Variants in CCAR1 observed in about 807,000 individuals in gnomAD.
CCAR1 encodes the protein cell division cycle and apoptosis regulator protein 1.
CCAR1 carries 78 observed loss-of-function variants against 163.8 expected under a neutral mutation model. That is an observed-to-expected ratio of 0.48 (90% CI 0.40 to 0.57). The LOEUF (loss-of-function observed/expected upper bound fraction) is 0.57, where lower values mean the gene tolerates loss of function less well. Ranked by LOEUF, CCAR1 falls within the 20% of genes least tolerant of loss-of-function variation. The probability of loss-of-function intolerance (pLI) is 0.00; values close to 1 mark genes in which losing one functional copy is unlikely to be tolerated. For missense variants in CCAR1, 1,019 were observed against 1,365.2 expected (o/e 0.75, Z 4.00); for synonymous variants, 443 against 460.7 (o/e 0.96, Z 0.49).
At chr10:68,740,500 G>A (rs765552492) in intron 4 of CCAR1, 129 bp from the exon 5 acceptor site, 15 of 761,438 alleles carry the variant, frequency 2.0e-5, no homozygotes, top group Admixed American at 7.5e-5. Flanking sequence ...GTGAGACCTC[G>A]TTTCTGTTTA....
At chr10:68,754,386 G>A (rs1004041873) in intron 11 of CCAR1, among the ~76,000 whole-genome samples, 2 of 152,192 alleles carry the variant, frequency 1.3e-5, no homozygotes, top group Admixed American at 1.3e-4. Flanking sequence ...AATGTTAGAT[G>A]AATGCACTAA....
chr10:68,762,612 C>T (rs543127436), intron 16 of CCAR1, among the ~76,000 whole-genome samples: 1 of 152,098 alleles, frequency 6.6e-6, no homozygotes, highest in Non-Finnish European at 1.5e-5. Context: ...TTGGATAAGC[C>T]ACATAATCAG....
At position 68,786,231 on chromosome 10, in the gene CCAR1, T is replaced by C. The variant is rs919654319; in HGVS notation, c.2733+13T>C. 7.3e-6 allele frequency: 11 copies of C among 1,516,498 alleles called. No individual in the cohort carries two copies. The highest frequency in any genetic ancestry group is 1.0e-5 in the Non-Finnish European group (11 of 1,096,006). The allele number at this position is 1,516,498 out of a possible 1,614,324, so 93.9% of individuals were successfully genotyped here. A position where few individuals can be genotyped will look rare whatever the true frequency, so the allele number is the denominator to read the frequency against. ...CTCTAAAGATAAGGTGTTTATTGAA[T>C]ACTGTATTCTTTATAATATGGTGAT... On this transcript the variant is annotated intron_variant, in intron 20 of 24. Coordinates refer to ENST00000265872, the MANE Select transcript of CCAR1 (RefSeq NM_018237.4).
chr10:68,725,417 A>G (rs2055928954), intron 2 of CCAR1, among the ~76,000 whole-genome samples: 1 of 152,068 alleles, frequency 6.6e-6, no homozygotes, highest in Non-Finnish European at 1.5e-5. Flanking sequence ...AAATAAAAAT[A>G]AAGTCAACAA....
chr10:68,760,106 ACAGGCACGAGC>A (rs573088301), intron 15 of CCAR1, among the ~76,000 whole-genome samples: 138 of 152,296 alleles, frequency 9.1e-4, no homozygotes, highest in Non-Finnish European at 1.0e-3. Flanking sequence ...TGCTAGGATT[ACAGGCACGAGC>A]CACCATTCCC....
Position 68,744,264 on chromosome 10 carries a change from G to C in CCAR1, c.518+1695G>C, listed in dbSNP as rs1051427667. On this transcript the variant is annotated intron_variant, in intron 6 of 24. Coordinates refer to ENST00000265872, the MANE Select transcript of CCAR1 (RefSeq NM_018237.4). ...TCTGGGTAAACATAACTGTGAGTGGGGTGTTGAAATCTAATTTTGAAATCT... is the reference window on the plus strand; with the variant it reads ...TCTGGGTAAACATAACTGTGAGTGGCGTGTTGAAATCTAATTTTGAAATCT... 3.9e-5 allele frequency among the ~76,000 whole-genome samples: 6 copies of C among 152,148 alleles called. No homozygotes were observed. In the East Asian group the frequency reaches 7.7e-4, roughly 20 times the overall value.
At chr10:68,741,906 C>T (rs977300502) in intron 5 of CCAR1, among the ~76,000 whole-genome samples, 3 of 152,138 alleles carry the variant, frequency 2.0e-5, no homozygotes, top group Admixed American at 2.0e-4. Flanking sequence ...TAAAGAACTA[C>T]AGTTGGTTAA....
chr10:68,777,087 C>G (rs564095179), intron 19 of CCAR1, among the ~76,000 whole-genome samples: 1 of 152,210 alleles, frequency 6.6e-6, no homozygotes, highest in Admixed American at 6.5e-5. Flanking sequence ...TCCTTGATTC[C>G]TTTCTTTCTG....
At chr10:68,772,955 GTAAA>G (rs1245057586) in intron 18 of CCAR1, 29 bp from the exon 19 acceptor site, 3 of 1,147,080 alleles carry the variant, frequency 2.6e-6, no homozygotes, top group African/African-American at 1.6e-5. Context: ...CTAAAAATAA[GTAAA>G]TAAATAATAA....
chr10:68,762,985 T>C (rs1444413479), intron 16 of CCAR1, among the ~76,000 whole-genome samples: 1 of 152,158 alleles, frequency 6.6e-6, no homozygotes, highest in Admixed American at 6.5e-5. Context: ...TGGAGAAATT[T>C]TATTATGGAT....
chr10:68,756,378 G>A lies in CCAR1; in HGVS notation c.1731G>A (p.Trp577Ter), dbSNP rs1260632328. The change falls in exon 14 of 25, where the codon TGG becomes TGA. Residue 577 changes from tryptophan (W) to a stop codon, truncating the protein, a stop_gained. Transcript: ENST00000265872. LOFTEE classifies it high-confidence loss of function. This position sits in a 1 kb window ranked among gnomAD's most constrained non-coding sequence, Gnocchi z 5.1. Reference sequence around the variant, plus strand: ...TGGTTTTATTTTTCCCGGATGTTTGGCATTGCCTTCCCACCCGCTCAGAGT... The same window carrying A: ...TGGTTTTATTTTTCCCGGATGTTTGACATTGCCTTCCCACCCGCTCAGAGT... The part of the protein sequence containing the change: ...ETVVLFFPDV[W>*]HCLPTRSEWE... 1.2e-6 allele frequency: 2 copies of A among 1,613,868 alleles called. No homozygotes were observed. The highest frequency in any genetic ancestry group is 1.3e-5 in the African/African-American group (1 of 74,854).
intron 19 of CCAR1, among the ~76,000 whole-genome samples, chr10:68,774,394 T>G (rs2056638384): frequency 6.6e-6 from 1 of 152,006 alleles, no homozygotes; most frequent in South Asian, 2.1e-4. Context: ...TCTCAGCACT[T>G]TGGGAGGTCA....
chr10:68,790,110 T>C (rs572759838), intron 24 of CCAR1, among the ~76,000 whole-genome samples, 195 bp downstream of exon 24: 3 of 152,176 alleles, frequency 2.0e-5, no homozygotes, highest in African/African-American at 7.2e-5. Context: ...TCCCAGCACT[T>C]TGGGAGGCCA....
intron 18 of CCAR1, among the ~76,000 whole-genome samples, 193 bp downstream of exon 18, chr10:68,771,638 C>T (rs551198020): frequency 1.3e-5 from 2 of 152,132 alleles, no homozygotes; most frequent in South Asian, 4.2e-4. Flanking sequence ...AAAAAATTAG[C>T]CTGACATGAT....
At chr10:68,757,183 C>T in intron 14 of CCAR1, 111 bp from the exon 15 acceptor site, 1 of 621,230 alleles carries the variant, frequency 1.6e-6, no homozygotes, top group East Asian at 3.1e-5. Flanking sequence ...TAGGAGAAGA[C>T]AATCTGAAAC....
intron 6 of CCAR1, among the ~76,000 whole-genome samples, chr10:68,745,768 C>G (rs2056245301): frequency 6.6e-6 from 1 of 151,220 alleles, no homozygotes; most frequent in East Asian, 2.0e-4. Flanking sequence ...CGCCCGGCAA[C>G]TATTTTTTTT....
intron 6 of CCAR1, among the ~76,000 whole-genome samples, chr10:68,745,770 A>AT (rs780197377): frequency 6.6e-4 from 96 of 144,576 alleles, no homozygotes; most frequent in African/African-American, 1.5e-3. Flanking sequence ...CCCGGCAACT[A>AT]TTTTTTTTTT....
At chr10:68,724,271 C>A (rs983148138) in intron 2 of CCAR1, among the ~76,000 whole-genome samples, 1 of 152,074 alleles carries the variant, frequency 6.6e-6, no homozygotes, top group Admixed American at 6.6e-5. Context: ...GGAGACCAGC[C>A]TGGCTGACAT....
rs111561225 is a variant in CCAR1, at chr10:68,768,577, C to T, written c.2298+2498C>T. On this transcript the variant is annotated intron_variant, in intron 17 of 24. Coordinates refer to ENST00000265872, the MANE Select transcript of CCAR1 (RefSeq NM_018237.4). ...CGTGAGCCAAGATTGTGCCACTGCA[C>T]TGCAGCCTGGGCAACAGAGCGAGAC... Among the ~76,000 whole-genome samples, 852 of 152,318 alleles carry T rather than the reference C, an allele frequency of 5.6e-3. 6 individuals are homozygous for T. Among genetic ancestry groups the T allele is most frequent in the African/African-American group, 0.019 (810 of 41,562 alleles).
Sources: gnomAD v4.1 joint callset for allele counts (sites outside exome capture counted in the v4.1 genomes callset) on GRCh38, gnomAD v4.1.1 for gene constraint, Gnocchi (gnomAD v3.1) non-coding constraint, MANE v1.5 for transcripts, NCBI Gene and HGNC (gene_info 2026-07-23, HGNC 2026-07-21) for gene names.